Variants in NELL1 observed in about 807,000 individuals in gnomAD.
NELL1 encodes the protein neural EGFL like 1, also known as protein kinase C-binding protein NELL1.
Under a neutral mutation model 107.4 loss-of-function variants are expected in NELL1, and 76 were observed. That is an observed-to-expected ratio of 0.71 (90% confidence interval 0.59 to 0.86). The LOEUF (loss-of-function observed/expected upper bound fraction) is 0.86, where lower values mean the gene tolerates loss of function less well. NELL1 is among the 40% of genes least tolerant of loss of function. NELL1 has a pLI of 0.00. For missense variants in NELL1, 1,024 were observed against 1,005.5 expected (o/e 1.02, Z -0.25); for synonymous variants, 353 against 341.2 (o/e 1.03, Z -0.38).
chr11:21,000,277 G>A (rs1230165638), intron 12 of NELL1, among the ~76,000 whole-genome samples: 1 of 146,602 alleles, frequency 6.8e-6, no homozygotes. Context: ...AAAAAAAAAA[G>A]AATCTTAATC....
At chr11:21,116,006 T>C (rs1006291326) in intron 13 of NELL1, among the ~76,000 whole-genome samples, 1 of 151,944 alleles carries the variant, frequency 6.6e-6, no homozygotes, top group East Asian at 1.9e-4. Context: ...CAAAACTTCT[T>C]AATTTGCCTG....
intron 13 of NELL1, among the ~76,000 whole-genome samples, chr11:21,179,001 G>T (rs1458616290): frequency 6.6e-6 from 1 of 151,694 alleles, no homozygotes. Flanking sequence ...TAGGAAAGGG[G>T]CATAGTATTA....
chr11:21,491,852 T>C (rs866794472), intron 15 of NELL1, among the ~76,000 whole-genome samples: 55 of 152,134 alleles, frequency 3.6e-4, no homozygotes, highest in African/African-American at 1.3e-3. Context: ...CTTCCATTTG[T>C]TTGTATCCTC....
intron 5 of NELL1, among the ~76,000 whole-genome samples, chr11:20,915,717 A>ATATATATATTTTTTTTTT: frequency 1.7e-5 from 1 of 58,224 alleles, no homozygotes; most frequent in Non-Finnish European, 2.9e-5. Flanking sequence ...ATATATATAT[A>ATATATATATTTTTTTTTT]TTTTTTTTTT....
chr11:21,199,367 A>G (rs1406066671), intron 13 of NELL1, among the ~76,000 whole-genome samples: 2 of 152,164 alleles, frequency 1.3e-5, no homozygotes, highest in Non-Finnish European at 2.9e-5. Context: ...GGGAAAACCT[A>G]ATAACTTCCT....
At chr11:21,435,048 G>A (rs527756804) in intron 15 of NELL1, among the ~76,000 whole-genome samples, 3 of 152,072 alleles carry the variant, frequency 2.0e-5, no homozygotes, top group Admixed American at 6.5e-5. Context: ...TAACTTTACC[G>A]AATTTGTTGA....
intron 13 of NELL1, among the ~76,000 whole-genome samples, chr11:21,216,687 C>A (rs1244933114): frequency 3.9e-5 from 6 of 152,120 alleles, no homozygotes; most frequent in Non-Finnish European, 8.8e-5. Context: ...TTTGTTTTGG[C>A]CAATTTCTTT....
At chr11:20,674,639 A>T in intron 1 of NELL1, 1 of 920,962 alleles carries the variant, frequency 1.1e-6, no homozygotes, top group Non-Finnish European at 1.7e-6. Flanking sequence ...GCTTTTCTTA[A>T]GGGCACAGGG....
chr11:21,035,706 A>G (rs756267315), intron 12 of NELL1, among the ~76,000 whole-genome samples: 3 of 152,162 alleles, frequency 2.0e-5, no homozygotes, highest in Non-Finnish European at 2.9e-5. Flanking sequence ...AAAAGTCTCT[A>G]TAAACTGGGT....
intron 16 of NELL1, among the ~76,000 whole-genome samples, chr11:21,553,480 C>T (rs1309728950): frequency 6.6e-6 from 1 of 151,814 alleles, no homozygotes; most frequent in Non-Finnish European, 1.5e-5. Flanking sequence ...TGCTCTTATT[C>T]TGTCACCACT....
At chr11:20,698,892 G>A (rs1291127009) in intron 2 of NELL1, among the ~76,000 whole-genome samples, 4 of 152,054 alleles carry the variant, frequency 2.6e-5, no homozygotes, top group African/African-American at 7.3e-5. Context: ...ACAATATTTG[G>A]TTTTCCATTC....
At chr11:21,178,361 C>G (rs191089637) in intron 13 of NELL1, among the ~76,000 whole-genome samples, 15 of 151,962 alleles carry the variant, frequency 9.9e-5, no homozygotes, top group African/African-American at 3.4e-4. Context: ...AACACTCTTC[C>G]CTTCCCCAAA....
At chr11:20,845,303 A>G (rs1848684415) in intron 3 of NELL1, among the ~76,000 whole-genome samples, 1 of 152,208 alleles carries the variant, frequency 6.6e-6, no homozygotes, top group Non-Finnish European at 1.5e-5. Flanking sequence ...TGCTTTATAA[A>G]GTGATCTTTA....
intron 3 of NELL1, among the ~76,000 whole-genome samples, chr11:20,797,144 G>A (rs944966059): frequency 6.6e-6 from 1 of 152,194 alleles, no homozygotes; most frequent in African/African-American, 2.4e-5. Flanking sequence ...TAGGCCCAGG[G>A]CATTGGGAGC....
intron 14 of NELL1, among the ~76,000 whole-genome samples, chr11:21,291,415 TTGA>T (rs1299583761): frequency 8.0e-5 from 9 of 112,610 alleles, no homozygotes; most frequent in African/African-American, 2.8e-4. Context: ...AGTTCTGAAA[TTGA>T]GATGATAATT....
chr11:20,821,987 T>C (rs1857765033), intron 3 of NELL1, among the ~76,000 whole-genome samples: 1 of 152,156 alleles, frequency 6.6e-6, no homozygotes, highest in Non-Finnish European at 1.5e-5. Context: ...TTTCCATTTT[T>C]CTCTTTTCTT....
chr11:20,764,611 CT>C (rs200315813), intron 2 of NELL1, among the ~76,000 whole-genome samples: 3,688 of 141,874 alleles, frequency 0.026, 43 homozygotes, highest in African/African-American at 0.039. Flanking sequence ...CACCCCAGAC[CT>C]TTTTTTTTTT....
intron 12 of NELL1, among the ~76,000 whole-genome samples, chr11:21,037,605 T>C (rs2134326320): frequency 6.6e-6 from 1 of 152,310 alleles, no homozygotes; most frequent in East Asian, 1.9e-4. Context: ...GATTTAATTT[T>C]CCATTTTGAG....
chr11:20,890,948 C>T (rs553569757), intron 5 of NELL1, among the ~76,000 whole-genome samples: 1 of 152,078 alleles, frequency 6.6e-6, no homozygotes, highest in South Asian at 2.1e-4. Context: ...AGGATATTAT[C>T]CAGGAGAACC....
Sources: gnomAD v4.1 joint callset for allele counts (sites outside exome capture counted in the v4.1 genomes callset) on GRCh38, gnomAD v4.1.1 for gene constraint, MANE v1.5 for transcripts, NCBI Gene and HGNC (gene_info 2026-07-23, HGNC 2026-07-21) for gene names.